Variants in JAM3 observed in about 807,000 individuals in gnomAD.
The protein encoded by JAM3 is junctional adhesion molecule C.
Under a neutral mutation model 39.4 loss-of-function variants are expected in JAM3, and 31 were observed. The observed-to-expected ratio is 0.79, with a 90% CI of 0.59 to 1.06. The LOEUF (loss-of-function observed/expected upper bound fraction) is 1.06, where lower values mean the gene tolerates loss of function less well. Among genes scored for constraint, JAM3 ranks in the 50% least tolerant of loss-of-function variants. The pLI, the probability that JAM3 is intolerant of heterozygous loss-of-function variation, is 0.00. For synonymous variants in JAM3, 182 were observed against 148.7 expected, an observed-to-expected ratio of 1.22 and a Z score of -1.63; for missense variants, 455 against 391.4, an observed-to-expected ratio of 1.16 and a Z score of -1.37.
chr11:134,148,634 A>G lies in JAM3; in HGVS notation c.800A>G (p.Tyr267Cys). 6.2e-7 allele frequency: 1 copy of G among 1,614,148 alleles called. No individual in the cohort carries two copies. The highest frequency in any genetic ancestry group is 8.5e-7 in the Non-Finnish European group (1 of 1,180,026). Residue 267 changes from tyrosine (Y) to cysteine (C), a missense_variant, in exon 7 of 9, where the codon TAC becomes TGC. Physicochemically the swap from Tyr to Cys is radical, Grantham distance 194. Coordinates refer to ENST00000299106, the MANE Select transcript of JAM3 (RefSeq NM_032801.5). ...ATCACGTTGGGCATCTGCTGTGCAT[A>G]CAGACGTGGCTACTTCATCAACAAT... ...ALITLGICCA[Y>C]RRGYFINNKQ...
chr11:134,100,805 A>G (rs919101023), intron 1 of JAM3, among the ~76,000 whole-genome samples: 2 of 152,260 alleles, frequency 1.3e-5, no homozygotes, highest in Non-Finnish European at 2.9e-5. Flanking sequence ...CTTGATAAGC[A>G]GTAGAGATAG....
chr11:134,074,514 T>G (rs1264855932), intron 1 of JAM3, among the ~76,000 whole-genome samples: 1 of 152,202 alleles, frequency 6.6e-6, no homozygotes, highest in Non-Finnish European at 1.5e-5. Flanking sequence ...TGCTTGATAA[T>G]GTATTGTTTG....
chr11:134,106,756 T>TA (rs1942198536), intron 1 of JAM3, among the ~76,000 whole-genome samples: 1 of 152,218 alleles, frequency 6.6e-6, no homozygotes, highest in Non-Finnish European at 1.5e-5. Context: ...GGCCATCAGA[T>TA]AAATGCACAT....
At position 134,149,723 on chromosome 11, in the gene JAM3, T is replaced by C. The variant is rs143755562; in HGVS notation, c.*542T>C. ...CTGATCGGTGTTGCAGTGTCCATTG[T>C]GGAGAAGCTTTTTGGATCAGCATTT... On this transcript the variant is annotated 3_prime_UTR_variant, in exon 9 of 9. Transcript: ENST00000299106. 44 of 448,720 alleles carry C rather than the reference T, an allele frequency of 9.8e-5. No individual in the cohort carries two copies. The East Asian group carries it at 3.1e-3, about 31-fold the overall frequency. 27.8% of individuals were successfully genotyped at this position (448,720 alleles called of 1,614,324 possible).
chr11:134,119,122 C>T (rs11223700), intron 1 of JAM3, among the ~76,000 whole-genome samples: 1,807 of 152,030 alleles, frequency 0.012, 18 homozygotes, highest in Non-Finnish European at 0.02. Flanking sequence ...GACAGAGTTC[C>T]GCCATGTTGG....
chr11:134,116,646 G>A (rs1942438965), intron 1 of JAM3, among the ~76,000 whole-genome samples: 1 of 151,680 alleles, frequency 6.6e-6, no homozygotes, highest in African/African-American at 2.4e-5. Context: ...CCATTTTTCA[G>A]GGAGCCCTGA....
intron 2 of JAM3, 98 bp from the exon 3 acceptor site, chr11:134,140,559 G>A (rs1324945452): frequency 1.0e-6 from 1 of 964,370 alleles, no homozygotes; most frequent in Non-Finnish European, 1.7e-6. Context: ...TAATCTGCAT[G>A]AAAGGCCTCT....
intron 1 of JAM3, among the ~76,000 whole-genome samples, chr11:134,135,597 G>T (rs1483356914): frequency 6.6e-6 from 1 of 150,780 alleles, no homozygotes; most frequent in Non-Finnish European, 1.5e-5. Flanking sequence ...GAGTGCAGTG[G>T]CCTGATCTCA....
chr11:134,124,540 C>G (rs1005980848), intron 1 of JAM3, among the ~76,000 whole-genome samples: 4 of 152,184 alleles, frequency 2.6e-5, no homozygotes, highest in African/African-American at 9.7e-5. Context: ...AATCCAAATT[C>G]AACTTGGGCC....
At position 134,151,582 on chromosome 11, in the gene JAM3, G is replaced by T. The variant is rs643447; in HGVS notation, c.*2401G>T. 16,920 of 152,102 alleles carry T rather than the reference G, an allele frequency of 0.11. 1,194 individuals are homozygous for T. Among genetic ancestry groups the T allele is most frequent in the East Asian group, 0.3 (1,537 of 5,154 alleles). The allele number at this position is 152,102 out of a possible 1,614,324, so 9.4% of individuals were successfully genotyped here. On this transcript the variant is annotated 3_prime_UTR_variant, in exon 9 of 9. Coordinates refer to ENST00000299106, the MANE Select transcript of JAM3 (RefSeq NM_032801.5). ...CTATAACTGAGACTAGACGGAAAAGGAATACTCGTGTATTTTAAGATATGA... is the reference window on the plus strand; with the variant it reads ...CTATAACTGAGACTAGACGGAAAAGTAATACTCGTGTATTTTAAGATATGA...
intron 1 of JAM3, among the ~76,000 whole-genome samples, chr11:134,074,977 A>G (rs997295354): frequency 7.2e-6 from 1 of 138,486 alleles, no homozygotes; most frequent in Non-Finnish European, 1.5e-5. Flanking sequence ...AACAAATCCA[A>G]AGACAGCTGC....
At chr11:134,086,300 TA>T (rs1415702331) in intron 1 of JAM3, among the ~76,000 whole-genome samples, 4 of 152,178 alleles carry the variant, frequency 2.6e-5, no homozygotes, top group Non-Finnish European at 4.4e-5. Context: ...AACCTTCTCT[TA>T]AAAAAGCTCC....
chr11:134,089,519 T>A (rs1369680787), intron 1 of JAM3, among the ~76,000 whole-genome samples: 1 of 152,250 alleles, frequency 6.6e-6, no homozygotes, highest in East Asian at 1.9e-4. Flanking sequence ...CCCTGTGTTC[T>A]CATTGTTCAA....
chr11:134,102,009 A>G (rs1942083929), intron 1 of JAM3, among the ~76,000 whole-genome samples: 1 of 152,196 alleles, frequency 6.6e-6, no homozygotes, highest in East Asian at 1.9e-4. Context: ...AGTTGTGATC[A>G]TGCCACTGCA....
intron 1 of JAM3, among the ~76,000 whole-genome samples, chr11:134,090,599 G>A (rs1591774983): frequency 6.6e-6 from 1 of 152,148 alleles, no homozygotes; most frequent in African/African-American, 2.4e-5. Flanking sequence ...TAAAGTTAGG[G>A]TTAGTAGCCT....
At chr11:134,146,655 A>T (rs1175012984) in intron 6 of JAM3, among the ~76,000 whole-genome samples, 1 of 152,054 alleles carries the variant, frequency 6.6e-6, no homozygotes, top group East Asian at 1.9e-4. Context: ...TGCATCCTCA[A>T]ACCCAGCCTT....
intron 1 of JAM3, among the ~76,000 whole-genome samples, chr11:134,112,841 T>C (rs1182441930): frequency 1.3e-5 from 2 of 152,108 alleles, no homozygotes; most frequent in Non-Finnish European, 2.9e-5. Context: ...ACCTCCAATA[T>C]GAATGGAGAG....
chr11:134,087,559 A>G (rs1290419274), intron 1 of JAM3, among the ~76,000 whole-genome samples: 3 of 152,182 alleles, frequency 2.0e-5, no homozygotes, highest in Non-Finnish European at 1.5e-5. Context: ...ACACCTAGCT[A>G]TATAAGGTAC....
chr11:134,075,932 G>A (rs1430727290), intron 1 of JAM3, among the ~76,000 whole-genome samples: 3 of 151,766 alleles, frequency 2.0e-5, no homozygotes, highest in Admixed American at 2.0e-4. Flanking sequence ...ATTTTTTCAT[G>A]TTCTTGTCTC....
Sources: allele counts gnomAD v4.1 joint callset (sites outside exome capture counted in the v4.1 genomes callset), GRCh38; gene constraint gnomAD v4.1.1; transcripts MANE v1.5; gene names NCBI Gene and HGNC (gene_info 2026-07-23, HGNC 2026-07-21).